DPH6: variants seen among roughly 807,000 people sequenced by gnomAD.
DPH6 encodes the protein diphthamine biosynthesis 6.
In DPH6, 33 loss-of-function variants were observed where a neutral mutation model predicts 38.2. The observed-to-expected ratio is 0.86, with a 90% CI of 0.65 to 1.15. DPH6 has a LOEUF of 1.15. Among genes scored for constraint, DPH6 ranks in the 50% most tolerant of loss-of-function variants. The pLI is 0.00. For synonymous variants in DPH6, 108 were observed against 103.0 expected (o/e 1.05, Z -0.30); for missense variants, 325 against 320.0 (o/e 1.02, Z -0.12).
At chr15:35,379,435 T>C (rs1202066375) in intron 7 of DPH6, among the ~76,000 whole-genome samples, 1 of 152,182 alleles carries the variant, frequency 6.6e-6, no homozygotes, top group Non-Finnish European at 1.5e-5. Flanking sequence ...GTCCCCAAAA[T>C]GAATTCTAAA....
chr15:35,369,177 A>G, downstream of DPH6, among the ~76,000 whole-genome samples: 1 of 151,792 alleles, frequency 6.6e-6, no homozygotes, highest in East Asian at 1.9e-4. Flanking sequence ...GGCATTAAGG[A>G]TTATGAAGAA....
chr15:35,151,033 A>C, the DPH6 span, among the ~76,000 whole-genome samples: 195 of 152,288 alleles, frequency 1.3e-3, 1 homozygote, highest in Non-Finnish European at 2.2e-3. Context: ...CCGCGAAAAC[A>C]AAAGATAAAT....
chr15:35,525,491 T>C (rs1048005825), intron 3 of DPH6, among the ~76,000 whole-genome samples: 1 of 152,164 alleles, frequency 6.6e-6, no homozygotes, highest in African/African-American at 2.4e-5. Flanking sequence ...TCATAGCACA[T>C]AGCATAGCAT....
In DPH6 at chr15:35,538,351, A is replaced by G; in HGVS notation, c.235T>C (p.Leu79=). The part of the protein sequence containing the change: ...LYRRTIRGRS[L]DTRQVYTKCE... The stretch of plus-strand genomic sequence containing the variant: ...TTGGTGTACACTTGTCTTGTATCCA[A>G]GCTCCTTCCTCTTATGGTTCGGCGA... The change falls in exon 3 of 9, where the codon TTG becomes CTG. Residue 79 remains leucine, a synonymous_variant. Transcript: ENST00000256538. 6.2e-7 allele frequency: 1 copy of G among 1,611,740 alleles called. No homozygotes were observed. The highest frequency in any genetic ancestry group is 8.5e-7 in the Non-Finnish European group (1 of 1,178,282).
At chr15:35,194,193 A>G in the DPH6 span, among the ~76,000 whole-genome samples, 10 of 152,094 alleles carry the variant, frequency 6.6e-5, no homozygotes, top group African/African-American at 2.2e-4. Flanking sequence ...CTAAGGTTCC[A>G]TATCTTTTGT....
downstream of DPH6, among the ~76,000 whole-genome samples, chr15:35,329,593 G>C (rs776768662): frequency 1.3e-5 from 2 of 152,148 alleles, no homozygotes; most frequent in Non-Finnish European, 2.9e-5. Context: ...AAAGAGAACA[G>C]GCAGAGAAGC....
At chr15:35,276,276 G>A (rs1490042604) in intron 3 of DPH6, among the ~76,000 whole-genome samples, 1 of 152,038 alleles carries the variant, frequency 6.6e-6, no homozygotes, top group East Asian at 1.9e-4. Context: ...ACTTTTGATG[G>A]GATTGTTTGT....
At chr15:35,227,171 CTTCTTT>C (rs1327629623) in intron 3 of DPH6, among the ~76,000 whole-genome samples, 1 of 115,862 alleles carries the variant, frequency 8.6e-6, no homozygotes, top group African/African-American at 3.2e-5. Flanking sequence ...GTTATAACAT[CTTCTTT>C]TTTTTTTTTT....
At chr15:35,417,015 A>C (rs995752033) in intron 5 of DPH6, among the ~76,000 whole-genome samples, 1 of 152,068 alleles carries the variant, frequency 6.6e-6, no homozygotes, top group African/African-American at 2.4e-5. Flanking sequence ...AAGTTTCCTC[A>C]AGAAATTCTT....
rs186147078 is a variant in DPH6 at position 35,457,202 on chromosome 15, G to A, written c.313-2382C>T. On this transcript the variant is annotated intron_variant, in intron 3 of 8. Coordinates refer to ENST00000256538, the MANE Select transcript of DPH6 (RefSeq NM_080650.4). ...ACTCCTGGACTCAACTGATCTGCCC[G>A]CCTTGGCCTCCCAAAGTGCTGGGAT... 2.9e-3 allele frequency among the ~76,000 whole-genome samples: 435 copies of A among 152,052 alleles called. 4 individuals are homozygous for A. The Middle Eastern group carries it at 0.034, about 12-fold the overall frequency.
the DPH6 span, among the ~76,000 whole-genome samples, chr15:35,186,417 T>C: frequency 1.3e-5 from 2 of 152,192 alleles, no homozygotes; most frequent in African/African-American, 2.4e-5. Context: ...TCAGAGGTCA[T>C]CTCCTTCAAC....
chr15:35,266,002 CATGTTCTTACATGTGTCCTTTACAAA>C (rs1207391433), intron 3 of DPH6, among the ~76,000 whole-genome samples: 1 of 152,104 alleles, frequency 6.6e-6, no homozygotes, highest in Non-Finnish European at 1.5e-5. Context: ...CTCCAGGACA[CATGTTCTTACATGTGTCCTTTACAAA>C]ATGTTCTTTT....
the DPH6 span, among the ~76,000 whole-genome samples, chr15:35,178,872 C>T: frequency 6.6e-6 from 1 of 152,024 alleles, no homozygotes; most frequent in Non-Finnish European, 1.5e-5. Context: ...TGTACCCCAA[C>T]CAGCTAGTAT....
intron 3 of DPH6, among the ~76,000 whole-genome samples, chr15:35,362,479 A>G (rs1029710126): frequency 6.6e-6 from 1 of 151,994 alleles, no homozygotes; most frequent in African/African-American, 2.4e-5. Context: ...GGTCACTTTA[A>G]CCCAAATGTG....
At chr15:35,362,359 C>G (rs961643558) in intron 3 of DPH6, among the ~76,000 whole-genome samples, 4 of 152,150 alleles carry the variant, frequency 2.6e-5, no homozygotes, top group African/African-American at 9.7e-5. Flanking sequence ...TCTGTCAGCA[C>G]TCCAAGTCAG....
chr15:35,523,916 A>G (rs779086623), intron 3 of DPH6, among the ~76,000 whole-genome samples: 1 of 152,056 alleles, frequency 6.6e-6, no homozygotes, highest in South Asian at 2.1e-4. Flanking sequence ...AGTTGCCAAT[A>G]CCCAAATTAC....
In DPH6 at chr15:35,264,731, C is replaced by T. The variant is rs75000931; in HGVS notation, n.201-44149G>A. 4.6e-3 allele frequency among the ~76,000 whole-genome samples: 702 copies of T among 152,268 alleles called. 3 individuals carry two copies. The highest frequency in any genetic ancestry group is 7.6e-3 in the Non-Finnish European group (515 of 68,026). On this transcript the variant is annotated intron_variant and non_coding_transcript_variant, in intron 3 of 3. Transcript: ENST00000560386. ...ATGTTCATTTGTACATTCATTCATTCATTCATTCAACAAACATTTACTGAG... is the reference window on the plus strand; with the variant it reads ...ATGTTCATTTGTACATTCATTCATTTATTCATTCAACAAACATTTACTGAG...
the DPH6 span, among the ~76,000 whole-genome samples, chr15:35,147,810 C>A: frequency 1.7e-4 from 26 of 152,214 alleles, no homozygotes; most frequent in African/African-American, 6.0e-4. Context: ...AATTATTATG[C>A]CATTAATATA....
intron 2 of DPH6, among the ~76,000 whole-genome samples, chr15:35,539,276 T>C (rs188281964): frequency 3.8e-4 from 58 of 152,198 alleles, no homozygotes; most frequent in Non-Finnish European, 5.7e-4. Flanking sequence ...TCACATTATT[T>C]ATAATAGACT....
Sources: allele counts gnomAD v4.1 joint callset (sites outside exome capture counted in the v4.1 genomes callset), GRCh38; gene constraint gnomAD v4.1.1; transcripts MANE v1.5; gene names NCBI Gene and HGNC (gene_info 2026-07-23, HGNC 2026-07-21).